The following NCMAP variants were observed in gnomAD, a reference collection of about 807,000 sequenced individuals.
NCMAP encodes non-compact myelin associated protein.
In NCMAP, 8 loss-of-function variants were observed where a neutral mutation model predicts 7.8. The ratio of observed to expected loss-of-function variants is 1.02; its 90% CI spans 0.60 to 1.84. The LOEUF is 1.84. Among genes scored for constraint, NCMAP ranks in the 40% most tolerant of loss-of-function variants. The probability of loss-of-function intolerance (pLI) is 0.00; values close to 1 mark genes in which losing one functional copy is unlikely to be tolerated. For synonymous variants in NCMAP, 41 were observed against 52.9 expected, an observed-to-expected ratio of 0.78 and a Z score of 0.98; for missense variants, 112 against 131.4, an observed-to-expected ratio of 0.85 and a Z score of 0.72.
At chr1:24,583,641 G>A (rs1651798719) in intron 1 of NCMAP, among the ~76,000 whole-genome samples, 2 of 151,400 alleles carry the variant, frequency 1.3e-5, no homozygotes, top group Admixed American at 6.6e-5. Flanking sequence ...GCTTGAACCC[G>A]GGAGGTGGAG....
chr1:24,558,821 C>T (rs1052339558), intron 1 of NCMAP, among the ~76,000 whole-genome samples: 5 of 152,092 alleles, frequency 3.3e-5, no homozygotes, highest in Non-Finnish European at 7.4e-5. Context: ...ACTCAGTAAG[C>T]GGTGGCGTTC....
chr1:24,592,903 A>C (rs1652090535), intron 1 of NCMAP, among the ~76,000 whole-genome samples: 1 of 151,324 alleles, frequency 6.6e-6, no homozygotes, highest in Non-Finnish European at 1.5e-5. Context: ...TGGGCAACAG[A>C]GCAAGGTGGC....
chr1:24,580,751 G>A (rs61048599), intron 1 of NCMAP, among the ~76,000 whole-genome samples: 30,175 of 152,094 alleles, frequency 0.2, 3,124 homozygotes, highest in African/African-American at 0.21. Flanking sequence ...GAGCCACTGC[G>A]CCCAGGCAGT....
intron 2 of NCMAP, among the ~76,000 whole-genome samples, chr1:24,600,361 C>T (rs2148938182): frequency 6.6e-6 from 1 of 151,892 alleles, no homozygotes; most frequent in South Asian, 2.1e-4. Flanking sequence ...GCTATGTTGC[C>T]CAGGCTAGTC....
chr1:24,598,062 TC>T (rs958761939), intron 2 of NCMAP, among the ~76,000 whole-genome samples: 1 of 151,906 alleles, frequency 6.6e-6, no homozygotes, highest in African/African-American at 2.4e-5. Context: ...CAGGACAGCC[TC>T]CCCGACAAAG....
At chr1:24,580,747 C>T (rs1444410701) in intron 1 of NCMAP, among the ~76,000 whole-genome samples, 2 of 152,234 alleles carry the variant, frequency 1.3e-5, no homozygotes, top group Non-Finnish European at 2.9e-5. Flanking sequence ...GCGTGAGCCA[C>T]TGCGCCCAGG....
At chr1:24,581,856 G>A (rs1212889300) in intron 1 of NCMAP, among the ~76,000 whole-genome samples, 2 of 152,236 alleles carry the variant, frequency 1.3e-5, no homozygotes, top group African/African-American at 4.8e-5. Flanking sequence ...TTGGTTATGA[G>A]TTAACTAGGC....
At chr1:24,570,324 C>CA (rs201293218) in intron 1 of NCMAP, among the ~76,000 whole-genome samples, 19 of 150,296 alleles carry the variant, frequency 1.3e-4, no homozygotes, top group African/African-American at 4.3e-4. Flanking sequence ...CCATCTCTAA[C>CA]AAAAAAAAAT....
In NCMAP at chr1:24,605,946, C is replaced by T. The variant is rs72886160; in HGVS notation, c.*199C>T. The T allele has an allele frequency of 0.02, 11,087 of 561,502 alleles. 976 individuals are homozygous for T. The highest frequency in any genetic ancestry group is 0.19 in the African/African-American group (9,979 of 52,976). The allele number at this position is 561,502 out of a possible 1,614,324, so 34.8% of individuals were successfully genotyped here. A position where few individuals can be genotyped will look rare whatever the true frequency, so the allele number is the denominator to read the frequency against. On this transcript the variant is annotated 3_prime_UTR_variant, in exon 4 of 4. Transcript: ENST00000374392. The stretch of plus-strand genomic sequence containing the variant: ...ACCCCAACTGTGTCCACATCCCTGC[C>T]GCCACCCCACCAAAAAGCTGCAGAA...
intron 1 of NCMAP, among the ~76,000 whole-genome samples, chr1:24,587,953 T>C (rs1225877040): frequency 6.6e-6 from 1 of 152,176 alleles, no homozygotes; most frequent in Non-Finnish European, 1.5e-5. Context: ...TTATTTTTTC[T>C]TTTATTTTTT....
At chr1:24,598,146 T>C (rs950208582) in intron 2 of NCMAP, among the ~76,000 whole-genome samples, 1 of 152,212 alleles carries the variant, frequency 6.6e-6, no homozygotes, top group African/African-American at 2.4e-5. Context: ...AGTTGCCCCA[T>C]GATGGATTTC....
chr1:24,564,763 A>T (rs1016030992), intron 1 of NCMAP, among the ~76,000 whole-genome samples: 1 of 152,148 alleles, frequency 6.6e-6, no homozygotes, highest in African/African-American at 2.4e-5. Flanking sequence ...AATATGAAAG[A>T]CCAGGAAGAA....
chr1:24,558,549 T>C (rs1650968653), intron 1 of NCMAP, among the ~76,000 whole-genome samples: 1 of 152,192 alleles, frequency 6.6e-6, no homozygotes, highest in Non-Finnish European at 1.5e-5. Flanking sequence ...GATCTAGTGC[T>C]AGACATTGAC....
chr1:24,560,247 C>A (rs1204982355), intron 1 of NCMAP, among the ~76,000 whole-genome samples: 1 of 151,962 alleles, frequency 6.6e-6, no homozygotes, highest in Non-Finnish European at 1.5e-5. Flanking sequence ...GGGCAAACAA[C>A]CTCAGGATTT....
intron 1 of NCMAP, among the ~76,000 whole-genome samples, chr1:24,593,601 A>C (rs1257639168): frequency 6.6e-6 from 1 of 152,212 alleles, no homozygotes; most frequent in Non-Finnish European, 1.5e-5. Context: ...TAATTTAAAA[A>C]ACATTTCTTA....
Position 24,599,224 on chromosome 1 carries a change from G to A in NCMAP, c.83-1716G>A, listed in dbSNP as rs1057208822. Among the ~76,000 whole-genome samples the A allele has an allele frequency of 1.6e-3, 238 of 147,226 alleles. 1 individual carries two copies. Among genetic ancestry groups the A allele is most frequent in the Non-Finnish European group, 3.0e-3 (205 of 67,326 alleles). On this transcript the variant is annotated intron_variant, in intron 2 of 3. Transcript: ENST00000374392. ...GAACCCGGGAGGCAGAGGATGCAGT[G>A]AGCTGAGATCGTGCCACTGCACTCC...
At chr1:24,589,290 C>G (rs9727931) in intron 1 of NCMAP, among the ~76,000 whole-genome samples, 61,569 of 151,758 alleles carry the variant, frequency 0.41, 12,729 homozygotes, top group South Asian at 0.48. Flanking sequence ...GTCTTAGGGA[C>G]GTTTGATACT....
rs758735853 is a variant in NCMAP at position 24,605,647 on chromosome 1, A to G, written c.209A>G (p.Lys70Arg). 41 of 1,614,134 alleles carry G rather than the reference A, an allele frequency of 2.5e-5. No individual in the cohort carries two copies. In the Middle Eastern group the frequency reaches 4.9e-4, roughly 19 times the overall value. Reference sequence around the variant, plus strand: ...CGGGAACTAGAGCCCAAGGGCCCCAAGCCAACCGCCCCTTCTGCCGTGGGC... The same window carrying G: ...CGGGAACTAGAGCCCAAGGGCCCCAGGCCAACCGCCCCTTCTGCCGTGGGC... ...TRRELEPKGP[K>R]PTAPSAVGPN... Residue 70 changes from lysine to arginine, a missense_variant, in exon 4 of 4, where the codon AAG becomes AGG. Transcript: ENST00000374392.
intron 1 of NCMAP, among the ~76,000 whole-genome samples, chr1:24,570,967 A>G (rs1475773623): frequency 6.6e-6 from 1 of 150,782 alleles, no homozygotes; most frequent in Non-Finnish European, 1.5e-5. Flanking sequence ...CGCCTCTGCT[A>G]TGCCCACCAC....
Sources: allele counts gnomAD v4.1 joint callset (sites outside exome capture counted in the v4.1 genomes callset), GRCh38; gene constraint gnomAD v4.1.1; transcripts MANE v1.5; gene names NCBI Gene and HGNC (gene_info 2026-07-23, HGNC 2026-07-21).